TEX9: variants seen among roughly 807,000 people sequenced by gnomAD.
The protein encoded by TEX9 is testis-expressed protein 9.
Under a neutral mutation model 59.6 loss-of-function variants are expected in TEX9, and 74 were observed. The ratio of observed to expected loss-of-function variants is 1.24; its 90% confidence interval spans 1.03 to 1.51. The LOEUF is 1.51. Among genes scored for constraint, TEX9 ranks in the 40% most tolerant of loss-of-function variants. TEX9 has a pLI of 0.00. For missense variants in TEX9, 522 were observed against 447.8 expected (o/e 1.17, Z -1.49); for synonymous variants, 186 against 152.2 (o/e 1.22, Z -1.64).
chr15:56,423,641 A>G (rs1301580133), intron 10 of TEX9, among the ~76,000 whole-genome samples: 1 of 152,076 alleles, frequency 6.6e-6, no homozygotes, highest in Admixed American at 6.6e-5. Context: ...TATCACCCCA[A>G]AAAGAACGTC....
At chr15:56,443,259 A>G (rs1460120113) in intron 12 of TEX9, among the ~76,000 whole-genome samples, 1 of 152,190 alleles carries the variant, frequency 6.6e-6, no homozygotes, top group Non-Finnish European at 1.5e-5. Flanking sequence ...TTGATGCCTG[A>G]GTCTATCTTT....
chr15:56,378,730 A>T (rs576269765), intron 3 of TEX9, among the ~76,000 whole-genome samples: 1 of 151,410 alleles, frequency 6.6e-6, no homozygotes, highest in Non-Finnish European at 1.5e-5. Flanking sequence ...CTTTTCTTCT[A>T]CTAATTTTGG....
At chr15:56,293,926 A>G (rs1412450984) in intron 1 of TEX9, among the ~76,000 whole-genome samples, 1 of 152,220 alleles carries the variant, frequency 6.6e-6, no homozygotes, top group Non-Finnish European at 1.5e-5. Context: ...TGAATATAAC[A>G]ACTTTCTATG....
At position 56,388,495 on chromosome 15, in the gene TEX9, T is replaced by TA. The variant is rs758961579; in HGVS notation, c.288dup (p.Val97SerfsTer8). ...AGAGGTCTGTTACCATCTGAAGGGA[T>TA]AGTTCATCTTCATTCAGAAACTAAG... On this transcript the variant is annotated frameshift_variant, in exon 5 of 13. Transcript: ENST00000352903. LOFTEE classifies it high-confidence loss of function. 1.2e-6 allele frequency: 2 copies of TA among 1,611,666 alleles called. No homozygotes were observed. Among genetic ancestry groups the TA allele is most frequent in the Admixed American group, 1.7e-5 (1 of 59,928 alleles).
At chr15:56,458,359 C>A in the TEX9 span, among the ~76,000 whole-genome samples, 1 of 152,172 alleles carries the variant, frequency 6.6e-6, no homozygotes, top group Non-Finnish European at 1.5e-5. Flanking sequence ...CCCATATATT[C>A]CCTGTCCCTA....
chr15:56,383,422 T>C (rs566697753), intron 3 of TEX9, among the ~76,000 whole-genome samples: 35 of 152,354 alleles, frequency 2.3e-4, no homozygotes, highest in Admixed American at 7.2e-4. Context: ...TGTTAAAATT[T>C]GGTGTTCCTG....
In TEX9 at chr15:56,434,261, T is replaced by A. The variant is rs757126785; in HGVS notation, c.*29+5788T>A. The A allele has an allele frequency of 2.5e-6, 4 of 1,613,998 alleles. No individual in the cohort carries two copies. The South Asian group carries it at 4.4e-5, about 18-fold the overall frequency. Reference sequence around the variant, plus strand: ...ATTCTATTCGATCATCCTCAGCAAATTTAGCTAGCATAGTTTTTCTAAAGT... The same window carrying A: ...ATTCTATTCGATCATCCTCAGCAAAATTAGCTAGCATAGTTTTTCTAAAGT... On this transcript the variant is annotated intron_variant, in intron 12 of 12. Transcript: ENST00000352903.
intron 12 of TEX9, among the ~76,000 whole-genome samples, chr15:56,435,612 A>C (rs551007922): frequency 6.6e-6 from 1 of 152,084 alleles, no homozygotes; most frequent in South Asian, 2.1e-4. Flanking sequence ...AGCTACCAAA[A>C]CTCACCAAAT....
chr15:56,264,713 G>A (rs1250098968), intron 1 of TEX9, among the ~76,000 whole-genome samples: 1 of 152,162 alleles, frequency 6.6e-6, no homozygotes, highest in African/African-American at 2.4e-5. Context: ...ACATTATACT[G>A]CAGTAGTTTT....
chr15:56,313,045 G>T (rs1446000435), intron 1 of TEX9, among the ~76,000 whole-genome samples: 1 of 143,090 alleles, frequency 7.0e-6, no homozygotes, highest in East Asian at 2.0e-4. Context: ...GAGATTTGGG[G>T]CTGAGACAAT....
intron 12 of TEX9, among the ~76,000 whole-genome samples, chr15:56,435,662 G>A (rs1272636914): frequency 3.3e-5 from 5 of 151,896 alleles, no homozygotes; most frequent in Admixed American, 2.6e-4. Flanking sequence ...CACTATTAAG[G>A]AGACGGAATT....
At chr15:56,385,301 C>T (rs1006314651) in intron 4 of TEX9, among the ~76,000 whole-genome samples, 1 of 152,072 alleles carries the variant, frequency 6.6e-6, no homozygotes, top group African/African-American at 2.4e-5. Flanking sequence ...TCAAGAATTA[C>T]AAGGTAAAAT....
At chr15:56,317,243 T>C (rs2045797194) in intron 1 of TEX9, among the ~76,000 whole-genome samples, 1 of 152,254 alleles carries the variant, frequency 6.6e-6, no homozygotes, top group African/African-American at 2.4e-5. Flanking sequence ...TCAGATTTTC[T>C]CTTTATTCTC....
intron 1 of TEX9, among the ~76,000 whole-genome samples, chr15:56,273,278 C>T (rs1357975381): frequency 1.3e-5 from 2 of 152,050 alleles, no homozygotes; most frequent in South Asian, 2.1e-4. Context: ...AATATTATCT[C>T]TACTATTGGT....
chr15:56,428,382 G>GCCAAGATGCTATCT lies in TEX9; in HGVS notation c.1115_1128dup (p.Phe377ProfsTer12). 1 of 1,611,540 alleles carries GCCAAGATGCTATCT rather than the reference G, an allele frequency of 6.2e-7. No individual in the cohort carries two copies. Among genetic ancestry groups the GCCAAGATGCTATCT allele is most frequent in the South Asian group, 1.1e-5 (1 of 90,928 alleles). Reference sequence around the variant, plus strand: ...TTTTTAACAGATGCATATTGAAGCTGCCAAGATGCTATCTTTCACTGAGGA... The same window carrying GCCAAGATGCTATCT: ...TTTTTAACAGATGCATATTGAAGCTGCCAAGATGCTATCTCCAAGATGCTATCTTTCACTGAGGA... On this transcript the variant is annotated frameshift_variant, in exon 12 of 13. Transcript: ENST00000352903. LOFTEE classifies it high-confidence loss of function.
chr15:56,266,106 T>C (rs2044375055), intron 1 of TEX9, among the ~76,000 whole-genome samples: 1 of 152,072 alleles, frequency 6.6e-6, no homozygotes, highest in Admixed American at 6.6e-5. Flanking sequence ...CTTGGTGAAT[T>C]GGTTGCTTGT....
chr15:56,349,514 A>G (rs998052423), intron 1 of TEX9, among the ~76,000 whole-genome samples: 1 of 152,124 alleles, frequency 6.6e-6, no homozygotes, highest in Non-Finnish European at 1.5e-5. Context: ...TGGGTTTTCT[A>G]TGAGTATTTT....
intron 12 of TEX9, among the ~76,000 whole-genome samples, chr15:56,432,098 T>C (rs1393454395): frequency 1.3e-5 from 2 of 152,182 alleles, no homozygotes; most frequent in African/African-American, 2.4e-5. Context: ...TCTATCTTAA[T>C]TCATCCATTC....
intron 4 of TEX9, among the ~76,000 whole-genome samples, chr15:56,385,119 A>T (rs1342762588): frequency 1.3e-5 from 2 of 152,190 alleles, no homozygotes; most frequent in Admixed American, 1.3e-4. Context: ...TTCTTTCCCC[A>T]TTGAATGTTC....
Sources: gnomAD v4.1 joint callset for allele counts (sites outside exome capture counted in the v4.1 genomes callset) on GRCh38, gnomAD v4.1.1 for gene constraint, MANE v1.5 for transcripts, NCBI Gene and HGNC (gene_info 2026-07-23, HGNC 2026-07-21) for gene names.